RSRC1: variants seen among roughly 807,000 people sequenced by gnomAD.
RSRC1 encodes arginine and serine rich coiled-coil 1.
RSRC1 carries 39 observed loss-of-function variants against 49.1 expected under a neutral mutation model. The observed-to-expected ratio is 0.79, with a 90% CI of 0.61 to 1.04. The LOEUF is 1.04. Ranked by LOEUF, RSRC1 falls within the 50% of genes least tolerant of loss-of-function variation. The probability of loss-of-function intolerance (pLI) is 0.00; values close to 1 mark genes in which losing one functional copy is unlikely to be tolerated. For synonymous variants in RSRC1, 143 were observed against 130.8 expected (o/e 1.09, Z -0.63); for missense variants, 388 against 402.4 (o/e 0.96, Z 0.31).
At chr3:158,356,748 G>C (rs1731184353) in intron 6 of RSRC1, among the ~76,000 whole-genome samples, 1 of 151,898 alleles carries the variant, frequency 6.6e-6, no homozygotes, top group South Asian at 2.1e-4. Context: ...GTAAACCCTT[G>C]CTTTGAAGGA....
chr3:158,153,016 C>G (rs1717643364), intron 3 of RSRC1, among the ~76,000 whole-genome samples: 1 of 152,132 alleles, frequency 6.6e-6, no homozygotes, highest in Non-Finnish European at 1.5e-5. Flanking sequence ...ACTAAATGCT[C>G]TGTAAATTTC....
At chr3:158,176,129 C>T (rs943767334) in intron 3 of RSRC1, among the ~76,000 whole-genome samples, 1 of 152,108 alleles carries the variant, frequency 6.6e-6, no homozygotes, top group Non-Finnish European at 1.5e-5. Flanking sequence ...GAACTACAAA[C>T]CACTGCTCAA....
intron 6 of RSRC1, among the ~76,000 whole-genome samples, chr3:158,392,810 C>G (rs1733391857): frequency 6.6e-6 from 1 of 152,088 alleles, no homozygotes; most frequent in Non-Finnish European, 1.5e-5. Flanking sequence ...GACCTGAACT[C>G]AACACTTGAC....
chr3:158,481,558 C>T (rs1445164002), intron 7 of RSRC1, among the ~76,000 whole-genome samples: 1 of 152,022 alleles, frequency 6.6e-6, no homozygotes, highest in Non-Finnish European at 1.5e-5. Context: ...TGGTCAACAG[C>T]ATTGAAATTT....
chr3:158,444,322 G>A (rs1736562264), intron 6 of RSRC1, among the ~76,000 whole-genome samples: 1 of 152,028 alleles, frequency 6.6e-6, no homozygotes, highest in Non-Finnish European at 1.5e-5. Flanking sequence ...ATAGACCAAT[G>A]GAACAGAACA....
intron 4 of RSRC1, among the ~76,000 whole-genome samples, chr3:158,237,243 A>C (rs1296772672): frequency 2.0e-5 from 3 of 152,190 alleles, no homozygotes; most frequent in Non-Finnish European, 4.4e-5. Context: ...TTAATATCTC[A>C]TGAGTAAACA....
chr3:158,254,202 T>C (rs1315244207), intron 4 of RSRC1, among the ~76,000 whole-genome samples: 2 of 152,206 alleles, frequency 1.3e-5, no homozygotes, highest in Non-Finnish European at 2.9e-5. Context: ...TCTTTGCTAT[T>C]GTGAATAGTG....
At chr3:158,230,185 A>G (rs1421881156) in intron 4 of RSRC1, among the ~76,000 whole-genome samples, 1 of 151,974 alleles carries the variant, frequency 6.6e-6, no homozygotes, top group Admixed American at 6.6e-5. Flanking sequence ...GGGTTTGTCT[A>G]ATGTTTCTTC....
intron 4 of RSRC1, among the ~76,000 whole-genome samples, chr3:158,271,909 G>A (rs1354436436): frequency 6.6e-6 from 1 of 152,066 alleles, no homozygotes; most frequent in Non-Finnish European, 1.5e-5. Context: ...GAGGAGATTG[G>A]TTAATATTAG....
intron 6 of RSRC1, among the ~76,000 whole-genome samples, chr3:158,424,899 T>G (rs1282793765): frequency 6.6e-6 from 1 of 151,936 alleles, no homozygotes; most frequent in African/African-American, 2.4e-5. Flanking sequence ...GATGGTAGTT[T>G]GTATTTCTGT....
intron 7 of RSRC1, among the ~76,000 whole-genome samples, chr3:158,516,759 G>A (rs12492647): frequency 0.17 from 25,724 of 152,192 alleles, 2,356 homozygotes; most frequent in African/African-American, 0.24. Flanking sequence ...CTCCGTGGGC[G>A]TAGGGCCCTC....
At chr3:158,353,791 CTG>C (rs77547854) in intron 5 of RSRC1, among the ~76,000 whole-genome samples, 11,134 of 151,938 alleles carry the variant, frequency 0.073, 472 homozygotes, top group South Asian at 0.13. Context: ...ATATATAAAA[CTG>C]GGGTTATTTT....
At chr3:158,224,328 A>G (rs910734789) in intron 4 of RSRC1, among the ~76,000 whole-genome samples, 1 of 151,720 alleles carries the variant, frequency 6.6e-6, no homozygotes, top group Non-Finnish European at 1.5e-5. Flanking sequence ...TCTGCTCCAC[A>G]TTTCCCCCAT....
At chr3:158,353,871 A>T (rs750384753) in intron 5 of RSRC1, among the ~76,000 whole-genome samples, 1 of 152,218 alleles carries the variant, frequency 6.6e-6, no homozygotes, top group South Asian at 2.1e-4. Flanking sequence ...TTTTTTTAAC[A>T]GGTCTTTAGT....
chr3:158,414,392 G>A (rs1313993043), intron 6 of RSRC1, among the ~76,000 whole-genome samples: 5 of 152,140 alleles, frequency 3.3e-5, no homozygotes, highest in African/African-American at 4.8e-5. Flanking sequence ...ACACACTGGG[G>A]CCTGTCGGGG....
intron 3 of RSRC1, among the ~76,000 whole-genome samples, chr3:158,171,913 C>T (rs1182855587): frequency 6.6e-6 from 1 of 152,056 alleles, no homozygotes; most frequent in Non-Finnish European, 1.5e-5. Flanking sequence ...GATCATCCCA[C>T]TGCACTCCAG....
chr3:158,110,257 G>A (rs1714274778), intron 1 of RSRC1, 34 bp downstream of exon 1: 1 of 152,424 alleles, frequency 6.6e-6, no homozygotes, highest in African/African-American at 2.4e-5. Context: ...GGGAGCGGCA[G>A]CCGTGGCTGC....
chr3:158,118,909 A>G (rs565036836), intron 1 of RSRC1, among the ~76,000 whole-genome samples: 1 of 152,196 alleles, frequency 6.6e-6, no homozygotes, highest in Non-Finnish European at 1.5e-5. Flanking sequence ...GTTTTTGCAG[A>G]TATTCAAGAA....
chr3:158,250,663 C>A (rs551063245), intron 4 of RSRC1, among the ~76,000 whole-genome samples: 30 of 152,224 alleles, frequency 2.0e-4, no homozygotes, highest in African/African-American at 6.7e-4. Flanking sequence ...TAAATCAGAT[C>A]ATAATATTTT....
Sources: gnomAD v4.1 joint callset for allele counts (sites outside exome capture counted in the v4.1 genomes callset) on GRCh38, gnomAD v4.1.1 for gene constraint, MANE v1.5 for transcripts, NCBI Gene and HGNC (gene_info 2026-07-23, HGNC 2026-07-21) for gene names.